ASB15: variants seen among roughly 807,000 people sequenced by gnomAD.
The protein encoded by ASB15 is ankyrin repeat and SOCS box protein 15.
ASB15 carries 54 observed loss-of-function variants against 58.0 expected under a neutral mutation model. The ratio of observed to expected loss-of-function variants is 0.93; its 90% CI spans 0.75 to 1.17. ASB15 has a LOEUF of 1.17. Ranked by LOEUF, ASB15 falls within the 50% of genes most tolerant of loss-of-function variation. The probability of loss-of-function intolerance (pLI) is 0.00; values close to 1 mark genes in which losing one functional copy is unlikely to be tolerated. For missense variants in ASB15, 680 were observed against 707.4 expected (o/e 0.96, Z 0.44); for synonymous variants, 249 against 262.4 (o/e 0.95, Z 0.50).
At chr7:123,595,774 A>G (rs1213544922) in intron 1 of ASB15, among the ~76,000 whole-genome samples, 1 of 152,188 alleles carries the variant, frequency 6.6e-6, no homozygotes, top group East Asian at 1.9e-4. Context: ...TAGTGAGCCA[A>G]TTCACTATCA....
chr7:123,596,700 T>C (rs1345715837), intron 1 of ASB15, among the ~76,000 whole-genome samples: 1 of 152,186 alleles, frequency 6.6e-6, no homozygotes, highest in African/African-American at 2.4e-5. Context: ...TCGTTAAATT[T>C]ATATAATTTC....
chr7:123,617,747 C>A lies in ASB15; in HGVS notation c.451+10C>A. 1.3e-6 allele frequency: 2 copies of A among 1,594,974 alleles called. No homozygotes were observed. Among genetic ancestry groups the A allele is most frequent in the African/African-American group, 2.7e-5 (2 of 73,822 alleles). On this transcript the variant is annotated intron_variant, in intron 7 of 11. Coordinates refer to ENST00000451215, the MANE Select transcript of ASB15 (RefSeq NM_001290258.2). ...ACCCCCCTTCTGATTGGTAAATGAC[C>A]TTTTTTTCTAGAACTTTTATAGTTT...
intron 1 of ASB15, among the ~76,000 whole-genome samples, chr7:123,584,527 T>C (rs996000632): frequency 1.3e-5 from 2 of 151,944 alleles, no homozygotes; most frequent in African/African-American, 4.8e-5. Flanking sequence ...CTTAGTAGAA[T>C]CTATCTTTTC....
chr7:123,600,367 CA>C (rs1799837085), upstream of ASB15, among the ~76,000 whole-genome samples: 2 of 152,082 alleles, frequency 1.3e-5, no homozygotes, highest in African/African-American at 4.8e-5. Context: ...ACGGATAAAA[CA>C]GGCATACCAT....
At chr7:123,613,106 G>T (rs964242527) in intron 3 of ASB15, among the ~76,000 whole-genome samples, 1 of 151,856 alleles carries the variant, frequency 6.6e-6, no homozygotes, top group East Asian at 1.9e-4. Flanking sequence ...TGATATTAAG[G>T]CCACTGATAT....
chr7:123,609,334 A>G (rs1800316758), intron 3 of ASB15, among the ~76,000 whole-genome samples: 1 of 152,080 alleles, frequency 6.6e-6, no homozygotes, highest in Non-Finnish European at 1.5e-5. Context: ...ATCCCAAGAC[A>G]TCTTGGTTCT....
rs1203930536 is a variant in ASB15 at position 123,624,629 on chromosome 7, A to G, written c.512A>G (p.Asp171Gly). ...STLIKHNTSL[D>G]QPCVKRWSAM... ...CTGATCAAACATAACACTAGCCTAG[A>G]CCAGCCCTGTGTCAAGCGATGGTCA... The change falls in exon 8 of 12, where the codon GAC (aspartate) becomes GGC (glycine). Residue 171 changes from aspartate (D) to glycine (G), a missense_variant. Physicochemically the swap from Asp to Gly is moderately conservative, Grantham distance 94. Transcript: ENST00000451215. 1.2e-6 allele frequency: 2 copies of G among 1,613,994 alleles called. No homozygotes were observed. Among genetic ancestry groups the G allele is most frequent in the East Asian group, 2.2e-5 (1 of 44,874 alleles).
At chr7:123,623,470 C>G (rs1318736798) in intron 7 of ASB15, among the ~76,000 whole-genome samples, 1 of 152,136 alleles carries the variant, frequency 6.6e-6, no homozygotes, top group Non-Finnish European at 1.5e-5. Flanking sequence ...ATTTGGTGAA[C>G]CTCCTTAATT....
intron 1 of ASB15, among the ~76,000 whole-genome samples, chr7:123,580,775 G>C (rs545517212): frequency 3.3e-5 from 5 of 152,046 alleles, no homozygotes; most frequent in African/African-American, 1.2e-4. Flanking sequence ...TGGAAGCCCT[G>C]AGATAAGGGC....
intron 3 of ASB15, among the ~76,000 whole-genome samples, chr7:123,611,906 C>T (rs576282832): frequency 1.1e-4 from 17 of 152,032 alleles, no homozygotes; most frequent in African/African-American, 4.1e-4. Context: ...CGATCATTTT[C>T]ACCCTACTGT....
intron 3 of ASB15, among the ~76,000 whole-genome samples, chr7:123,611,406 T>C (rs1040051202): frequency 1.3e-5 from 2 of 152,158 alleles, no homozygotes; most frequent in Non-Finnish European, 2.9e-5. Flanking sequence ...GCCATTCTCC[T>C]GCCTCAGTCT....
At chr7:123,621,064 G>A (rs143803193) in intron 7 of ASB15, among the ~76,000 whole-genome samples, 97 of 152,204 alleles carry the variant, frequency 6.4e-4, no homozygotes, top group African/African-American at 2.0e-3. Flanking sequence ...CAACTAAGCC[G>A]TGATTATCAC....
intron 1 of ASB15, among the ~76,000 whole-genome samples, chr7:123,587,625 T>C (rs1799412486): frequency 6.6e-6 from 1 of 151,730 alleles, no homozygotes; most frequent in Admixed American, 6.6e-5. Context: ...TTGTTCCAGT[T>C]CTTAAAGAAA....
At chr7:123,621,946 C>T (rs1043034326) in intron 7 of ASB15, among the ~76,000 whole-genome samples, 1 of 152,238 alleles carries the variant, frequency 6.6e-6, no homozygotes, top group Non-Finnish European at 1.5e-5. Flanking sequence ...CATGACGCTT[C>T]AGTCCCACTG....
intron 1 of ASB15, among the ~76,000 whole-genome samples, chr7:123,575,728 G>T (rs1293954699): frequency 1.3e-5 from 2 of 150,750 alleles, no homozygotes; most frequent in African/African-American, 4.9e-5. Flanking sequence ...TAATTATCTT[G>T]TAAGTGATGC....
At chr7:123,620,529 TATATATATATATATATATATATATA>T (rs1272040646) in intron 7 of ASB15, among the ~76,000 whole-genome samples, 2,846 of 23,202 alleles carry the variant, frequency 0.12, 96 homozygotes, top group Non-Finnish European at 0.19. Flanking sequence ...TATATATATA[TATATATATATATATATATATATATA>T]TTTTTTTTTT....
chr7:123,601,472 T>A (rs1263922861), upstream of ASB15, among the ~76,000 whole-genome samples: 1 of 152,166 alleles, frequency 6.6e-6, no homozygotes, highest in Admixed American at 6.5e-5. Flanking sequence ...AGAAAAATAG[T>A]GTGTATTAAA....
At chr7:123,623,121 C>T (rs574725961) in intron 7 of ASB15, 3 of 152,306 alleles carry the variant, frequency 2.0e-5, no homozygotes, top group Non-Finnish European at 4.4e-5. Context: ...TTCTCTAGGC[C>T]ATAAACTCTA....
At chr7:123,618,328 G>A (rs76742100) in intron 7 of ASB15, among the ~76,000 whole-genome samples, 2,579 of 152,268 alleles carry the variant, frequency 0.017, 75 homozygotes, top group African/African-American at 0.059. Context: ...AGCAGAGAGT[G>A]ATAAGATTAA....
Sources: allele counts gnomAD v4.1 joint callset (sites outside exome capture counted in the v4.1 genomes callset), GRCh38; gene constraint gnomAD v4.1.1; transcripts MANE v1.5; gene names NCBI Gene and HGNC (gene_info 2026-07-23, HGNC 2026-07-21).